CEP192: variants seen among roughly 807,000 people sequenced by gnomAD.
CEP192 encodes centrosomal protein of 192 kDa.
CEP192 carries 151 observed loss-of-function variants against 271.8 expected under a neutral mutation model. That is an observed-to-expected ratio of 0.56 (90% CI 0.49 to 0.64). The LOEUF (loss-of-function observed/expected upper bound fraction) is 0.64, where lower values mean the gene tolerates loss of function less well. CEP192 is among the 30% of genes least tolerant of loss of function. CEP192 has a pLI of 0.00. For missense variants in CEP192, 2,910 were observed against 3,020.5 expected (o/e 0.96, Z 0.86); for synonymous variants, 995 against 1,076.5 (o/e 0.92, Z 1.48).
rs770046553 is a variant in CEP192, at chr18:13,124,788, G to A, written c.*18G>A. ...AAAATTAACTAGAATACATTTTTGT[G>A]TAAAGTAAATTACATAAGTTGTATT... On this transcript the variant is annotated 3_prime_UTR_variant, in exon 45 of 45. Coordinates refer to ENST00000506447, the MANE Select transcript of CEP192 (RefSeq NM_032142.4). The A allele has an allele frequency of 3.8e-6, 6 of 1,574,712 alleles. No individual in the cohort carries two copies. The highest frequency in any genetic ancestry group is 5.2e-6 in the Non-Finnish European group (6 of 1,147,784).
intron 44 of CEP192, among the ~76,000 whole-genome samples, chr18:13,123,110 AT>A (rs977877604): frequency 7.9e-5 from 12 of 152,228 alleles, no homozygotes; most frequent in African/African-American, 2.9e-4. Flanking sequence ...TCTTCCAGAG[AT>A]TTTTTTGGGG....
intron 30 of CEP192, among the ~76,000 whole-genome samples, chr18:13,082,868 C>T (rs1378133422): frequency 2.0e-5 from 3 of 152,074 alleles, no homozygotes; most frequent in Admixed American, 6.5e-5. Context: ...TTTTATTTCT[C>T]CTTCACTTAT....
chr18:13,087,354 A>T, intron 31 of CEP192, 77 bp downstream of exon 31: 1 of 1,276,574 alleles, frequency 7.8e-7, no homozygotes, highest in Non-Finnish European at 1.1e-6. Context: ...TAAAGCCAAA[A>T]GCTAAAATAA....
intron 10 of CEP192, 125 bp from the exon 11 acceptor site, chr18:13,030,340 G>C: frequency 1.2e-6 from 1 of 810,278 alleles, no homozygotes; most frequent in Non-Finnish European, 1.9e-6. Flanking sequence ...TTTCTAACTA[G>C]CTTTGGCAAA....
intron 38 of CEP192, among the ~76,000 whole-genome samples, chr18:13,101,019 G>A (rs1043683082): frequency 6.6e-6 from 1 of 152,126 alleles, no homozygotes; most frequent in African/African-American, 2.4e-5. Flanking sequence ...ACCATTTTTT[G>A]ACCTGGTGAT....
rs540969129 is a variant in CEP192 at position 13,057,031 on chromosome 18, C to G, written c.4108+333C>G. Among the ~76,000 whole-genome samples, 156 of 152,278 alleles carry G rather than the reference C, an allele frequency of 1.0e-3. 1 individual carries two copies. Among genetic ancestry groups the G allele is most frequent in the African/African-American group, 3.6e-3 (151 of 41,564 alleles). ...GTGAGTGCCTCCACCTTGTGAGTCT[C>G]TGGGTGGCTGCTGTGGTGGAGAGGC... On this transcript the variant is annotated intron_variant, in intron 19 of 44. Coordinates refer to ENST00000506447, the MANE Select transcript of CEP192 (RefSeq NM_032142.4).
chr18:13,087,761 GAT>G, intron 32 of CEP192, 115 bp downstream of exon 32: 2 of 445,752 alleles, frequency 4.5e-6, no homozygotes, highest in Non-Finnish European at 7.8e-6. Flanking sequence ...TGAACTGGTA[GAT>G]GAAAAATCTT....
chr18:13,071,071 C>G lies in CEP192; in HGVS notation c.5207C>G (p.Pro1736Arg). The G allele has an allele frequency of 6.2e-7, 1 of 1,613,896 alleles. No individual in the cohort carries two copies. Among genetic ancestry groups the G allele is most frequent in the Non-Finnish European group, 8.5e-7 (1 of 1,179,852 alleles). Reference protein sequence around the residue: ...ILKIFVQPFGPQYEVVLKGEV... With the variant: ...ILKIFVQPFGRQYEVVLKGEV... ...AAAATATTTGTGCAGCCATTTGGAC[C>G]TCAGTATGAGGTAGTGTTAAAAGGC... is the stretch of plus-strand genomic sequence containing the variant. Residue 1736 changes from proline to arginine, a missense_variant, in exon 28 of 45, where the codon CCT (proline) becomes CGT (arginine). Transcript: ENST00000506447.
chr18:13,059,906 C>G (rs1182259157), intron 21 of CEP192, among the ~76,000 whole-genome samples: 1 of 152,140 alleles, frequency 6.6e-6, no homozygotes, highest in African/African-American at 2.4e-5. Flanking sequence ...CAGATGATTA[C>G]AAATCATAGC....
intron 3 of CEP192, among the ~76,000 whole-genome samples, chr18:13,004,539 G>C (rs2033861073): frequency 6.6e-6 from 1 of 152,112 alleles, no homozygotes; most frequent in Admixed American, 6.5e-5. Flanking sequence ...GCATGTAGTG[G>C]TAAGAATCTG....
intron 40 of CEP192, among the ~76,000 whole-genome samples, chr18:13,111,004 C>T (rs958253632): frequency 6.6e-6 from 1 of 152,220 alleles, no homozygotes; most frequent in African/African-American, 2.4e-5. Flanking sequence ...CTTCCTCTCC[C>T]AGTTCACAGA....
rs2036667511 is a variant in CEP192, at chr18:13,049,638, T to C, written c.2847T>C (p.His949=). ...CVSEISNSEK[H]VTFENHRIVS... ...GTGAAATAAGCAACAGTGAGAAGCA[T>C]GTGACTTTTGAAAACCATCGCATAG... is the stretch of plus-strand genomic sequence containing the variant. The change falls in exon 16 of 45, where the codon CAT becomes CAC. Residue 949 remains histidine, a synonymous_variant. Transcript: ENST00000506447. 1 of 1,612,918 alleles carries C rather than the reference T, an allele frequency of 6.2e-7. No homozygotes were observed. Among genetic ancestry groups the C allele is most frequent in the Non-Finnish European group, 8.5e-7 (1 of 1,179,594 alleles).
chr18:13,015,256 T>G, intron 5 of CEP192, 72 bp from the exon 6 acceptor site: 1 of 1,421,160 alleles, frequency 7.0e-7, no homozygotes, highest in East Asian at 2.5e-5. Context: ...ATTTGGTCCT[T>G]TTTGTAGCCT....
chr18:13,010,694 A>G (rs2034290539), intron 4 of CEP192, among the ~76,000 whole-genome samples: 1 of 152,014 alleles, frequency 6.6e-6, no homozygotes, highest in Non-Finnish European at 1.5e-5. Flanking sequence ...TAAAAATACA[A>G]AATTAGCCGG....
intron 21 of CEP192, 42 bp downstream of exon 21, chr18:13,059,354 A>G (rs1215581883): frequency 6.6e-7 from 1 of 1,516,302 alleles, no homozygotes; most frequent in Non-Finnish European, 9.2e-7. Flanking sequence ...CTGGCATTTT[A>G]AAGAAGACTG....
intron 15 of CEP192, among the ~76,000 whole-genome samples, chr18:13,043,663 C>T (rs950824113): frequency 1.3e-5 from 2 of 152,124 alleles, no homozygotes; most frequent in African/African-American, 4.8e-5. Flanking sequence ...CACCAACAAC[C>T]CTGTTGGACT....
chr18:13,011,454 G>T (rs74345936), intron 4 of CEP192, among the ~76,000 whole-genome samples: 1 of 152,066 alleles, frequency 6.6e-6, no homozygotes, highest in Non-Finnish European at 1.5e-5. Flanking sequence ...ATGTGACTCC[G>T]CATTTGCACT....
intron 3 of CEP192, among the ~76,000 whole-genome samples, chr18:13,004,545 A>G (rs2033861738): frequency 6.6e-6 from 1 of 152,082 alleles, no homozygotes; most frequent in South Asian, 2.1e-4. Flanking sequence ...AGTGGTAAGA[A>G]TCTGTGGAAG....
chr18:13,115,915 C>G (rs961639634), intron 42 of CEP192, among the ~76,000 whole-genome samples: 1 of 152,032 alleles, frequency 6.6e-6, no homozygotes, highest in Admixed American at 6.6e-5. Context: ...CTGCAGAGAC[C>G]CGGGAGTGGC....
Sources: allele counts gnomAD v4.1 joint callset (sites outside exome capture counted in the v4.1 genomes callset), GRCh38; gene constraint gnomAD v4.1.1; transcripts MANE v1.5; gene names NCBI Gene and HGNC (gene_info 2026-07-23, HGNC 2026-07-21).